LNPEP: variants seen among roughly 807,000 people sequenced by gnomAD.
The protein encoded by LNPEP is leucyl and cystinyl aminopeptidase.
In LNPEP, 64 loss-of-function variants were observed where a neutral mutation model predicts 120.6. The ratio of observed to expected loss-of-function variants is 0.53; its 90% CI spans 0.43 to 0.65. LNPEP has a LOEUF of 0.65. Among genes scored for constraint, LNPEP ranks in the 30% least tolerant of loss-of-function variants. The probability of loss-of-function intolerance (pLI) is 0.00; values close to 1 mark genes in which losing one functional copy is unlikely to be tolerated. For synonymous variants in LNPEP, 435 were observed against 425.4 expected (o/e 1.02, Z -0.28); for missense variants, 1,057 against 1,200.0 (o/e 0.88, Z 1.76).
chr5:96,979,783 T>C lies in LNPEP; in HGVS notation c.665T>C (p.Met222Thr), dbSNP rs143676072. The change falls in exon 2 of 18, where the codon ATG (methionine) becomes ACG (threonine). Residue 222 changes from methionine (M) to threonine (T), a missense_variant. Physicochemically the swap from Met to Thr is moderately conservative, Grantham distance 81. Coordinates refer to ENST00000231368, the MANE Select transcript of LNPEP (RefSeq NM_005575.3). ...CATAATATTTCAAGAGTGACCTTTATGTCAGCAGTTTCAAGCCAAGAAAAA... is the reference window on the plus strand; with the variant it reads ...CATAATATTTCAAGAGTGACCTTTACGTCAGCAGTTTCAAGCCAAGAAAAA... ...TGHNISRVTF[M>T]SAVSSQEKQA... 3 of 1,613,934 alleles carry C rather than the reference T, an allele frequency of 1.9e-6. No homozygotes were observed. Among genetic ancestry groups the C allele is most frequent in the Non-Finnish European group, 1.7e-6 (2 of 1,179,938 alleles).
At chr5:96,980,136 C>A (rs546581682) in intron 2 of LNPEP, among the ~76,000 whole-genome samples, 158 bp downstream of exon 2, 12 of 151,672 alleles carry the variant, frequency 7.9e-5, no homozygotes, top group African/African-American at 2.9e-4. Flanking sequence ...AATATATTAT[C>A]TCTCTTAGTC....
intron 4 of LNPEP, among the ~76,000 whole-genome samples, chr5:96,992,282 T>G (rs981124184): frequency 6.6e-6 from 1 of 152,174 alleles, no homozygotes; most frequent in African/African-American, 2.4e-5. Context: ...GTTCCCTTGG[T>G]TGGTTTTAGT....
At chr5:96,958,392 T>G (rs1232141143) in intron 1 of LNPEP, 14 of 759,298 alleles carry the variant, frequency 1.8e-5, no homozygotes, top group Non-Finnish European at 2.2e-5. Context: ...GCAAGTTAAT[T>G]GAATTACCTA....
intron 4 of LNPEP, among the ~76,000 whole-genome samples, chr5:96,989,782 C>T (rs752214904): frequency 4.8e-4 from 73 of 151,910 alleles, no homozygotes; most frequent in Non-Finnish European, 7.2e-4. Flanking sequence ...ATTTATCTCT[C>T]GTAAGAACTC....
intron 13 of LNPEP, among the ~76,000 whole-genome samples, chr5:97,021,918 C>CTTTTTTTT (rs1561455270): frequency 5.6e-4 from 28 of 50,010 alleles, no homozygotes; most frequent in Admixed American, 5.4e-3. Flanking sequence ...TGTTTTTTGT[C>CTTTTTTTT]TTTTGTTTTT....
chr5:96,954,744 A>G (rs1406909643), intron 1 of LNPEP, among the ~76,000 whole-genome samples: 20 of 82,618 alleles, frequency 2.4e-4, no homozygotes, highest in Admixed American at 2.1e-3. Context: ...ACATATATAT[A>G]TACACATATA....
intron 11 of LNPEP, 124 bp downstream of exon 11, chr5:97,006,639 G>A (rs1790794695): frequency 6.2e-6 from 4 of 640,666 alleles, no homozygotes; most frequent in Middle Eastern, 2.6e-4. Context: ...AGTTGCATAT[G>A]CAAGATGTGA....
chr5:97,032,934 A>C lies in LNPEP; in HGVS notation c.*4401A>C, dbSNP rs1038978468. ...TATAAATATTGTGCCACCTTTTTATACTTCATTTTATACTTGTTTCCTTGT... is the reference window on the plus strand; with the variant it reads ...TATAAATATTGTGCCACCTTTTTATCCTTCATTTTATACTTGTTTCCTTGT... On this transcript the variant is annotated 3_prime_UTR_variant, in exon 18 of 18. Transcript: ENST00000231368. The C allele has an allele frequency of 6.6e-6, 1 of 152,104 alleles. No homozygotes were observed. The highest frequency in any genetic ancestry group is 1.5e-5 in the Non-Finnish European group (1 of 68,026). 9.4% of individuals were successfully genotyped at this position (152,104 alleles called of 1,614,324 possible). A position where few individuals can be genotyped will look rare whatever the true frequency, so the allele number is the denominator to read the frequency against.
chr5:97,032,287 T>C lies in LNPEP; in HGVS notation c.*3754T>C, dbSNP rs1791484970. ...GTATTTTTAAAAACTAAGTTATATA[T>C]ATATTTGCTTGTTTTTGCATTCTTT... is the stretch of plus-strand genomic sequence containing the variant. On this transcript the variant is annotated 3_prime_UTR_variant, in exon 18 of 18. Coordinates refer to ENST00000231368, the MANE Select transcript of LNPEP (RefSeq NM_005575.3). The C allele has an allele frequency of 6.6e-6, 1 of 152,218 alleles. No homozygotes were observed. Among genetic ancestry groups the C allele is most frequent in the South Asian group, 2.1e-4 (1 of 4,826 alleles). The allele number at this position is 152,218 out of a possible 1,614,324, so 9.4% of individuals were successfully genotyped here.
At chr5:96,954,438 T>G (rs1789391814) in intron 1 of LNPEP, among the ~76,000 whole-genome samples, 1 of 151,978 alleles carries the variant, frequency 6.6e-6, no homozygotes, top group Non-Finnish European at 1.5e-5. Flanking sequence ...ATGGTTCCTT[T>G]GTGTGAGTGG....
intron 1 of LNPEP, among the ~76,000 whole-genome samples, chr5:96,946,200 T>TATG (rs751397737): frequency 4.6e-5 from 7 of 152,182 alleles, no homozygotes; most frequent in Non-Finnish European, 7.3e-5. Flanking sequence ...GTAGCTACAT[T>TATG]ATGAAGATAA....
chr5:97,001,933 A>G (rs1465793324), intron 8 of LNPEP, among the ~76,000 whole-genome samples: 2 of 152,178 alleles, frequency 1.3e-5, no homozygotes, highest in African/African-American at 4.8e-5. Context: ...TGAGGTCAGC[A>G]GTTCAAGAAC....
In LNPEP at chr5:96,997,996, C is replaced by T. The variant is rs762636419; in HGVS notation, c.1522-18C>T. Reference sequence around the variant, plus strand: ...TTGATACTACTTGTGATATTCTAATCTTTTCATTTTTTGACAGTATGAAGA... The same window carrying T: ...TTGATACTACTTGTGATATTCTAATTTTTTCATTTTTTGACAGTATGAAGA... On this transcript the variant is annotated intron_variant, in intron 7 of 17. Transcript: ENST00000231368. The T allele has an allele frequency of 6.6e-7, 1 of 1,513,574 alleles. No homozygotes were observed. The highest frequency in any genetic ancestry group is 2.3e-5 in the East Asian group (1 of 43,218). 93.8% of individuals were successfully genotyped at this position (1,513,574 alleles called of 1,614,324 possible).
In LNPEP at chr5:97,030,652, GTGTGTGTGTGTGTGTGTA is replaced by G; in HGVS notation, c.*2120_*2137del. 6.7e-6 allele frequency: 1 copy of G among 150,154 alleles called. No individual in the cohort carries two copies. Among genetic ancestry groups the G allele is most frequent in the Non-Finnish European group, 1.5e-5 (1 of 67,820 alleles). 9.3% of individuals were successfully genotyped at this position (150,154 alleles called of 1,614,324 possible). A position where few individuals can be genotyped will look rare whatever the true frequency, so the allele number is the denominator to read the frequency against. ...TGTGTGTGTGTGTGTGTGTGTGTGT[GTGTGTGTGTGTGTGTGTA>G]GTGTGGGGGGTATTGTTATGAGTAA... On this transcript the variant is annotated 3_prime_UTR_variant, in exon 18 of 18. Transcript: ENST00000231368.
chr5:97,011,390 G>A (rs1463429909), intron 11 of LNPEP, among the ~76,000 whole-genome samples: 1 of 152,028 alleles, frequency 6.6e-6, no homozygotes. Context: ...GTGTCACCAT[G>A]CGGGCTAATT....
In LNPEP at chr5:96,971,848, GGGA is replaced by G. The variant is rs1378653897; in HGVS notation, c.20-7289_20-7287del. On this transcript the variant is annotated intron_variant, in intron 1 of 17. Coordinates refer to ENST00000231368, the MANE Select transcript of LNPEP (RefSeq NM_005575.3). ...AAATACATCTTCCTGCTTAATGATG[GGGA>G]TACAATTGAAAAATAATAAAACACG... Among the ~76,000 whole-genome samples the G allele has an allele frequency of 3.3e-5, 5 of 151,656 alleles. No homozygotes were observed. The East Asian group carries it at 9.7e-4, about 29-fold the overall frequency.
At chr5:96,943,398 T>C (rs1441827893) in intron 1 of LNPEP, among the ~76,000 whole-genome samples, 1 of 152,174 alleles carries the variant, frequency 6.6e-6, no homozygotes, top group African/African-American at 2.4e-5. Context: ...GCGATTCTCC[T>C]GCCTCAGCCT....
intron 17 of LNPEP, 54 bp from the exon 18 acceptor site, chr5:97,028,348 C>G (rs1561457714): frequency 8.3e-6 from 13 of 1,560,638 alleles, no homozygotes; most frequent in East Asian, 2.2e-5. Flanking sequence ...CTGGGGTTAC[C>G]TGAGGTTTAT....
At chr5:96,998,290 A>G in intron 8 of LNPEP, 145 bp downstream of exon 8, 1 of 685,676 alleles carries the variant, frequency 1.5e-6, no homozygotes. Flanking sequence ...TTGCTTCTGT[A>G]TAAATCTTGG....
Sources: gnomAD v4.1 joint callset for allele counts (sites outside exome capture counted in the v4.1 genomes callset) on GRCh38, gnomAD v4.1.1 for gene constraint, MANE v1.5 for transcripts, NCBI Gene and HGNC (gene_info 2026-07-23, HGNC 2026-07-21) for gene names.